Variants in INSC observed in about 807,000 individuals in gnomAD.
INSC encodes protein inscuteable homolog.
INSC carries 67 observed loss-of-function variants against 58.6 expected under a neutral mutation model. That is an observed-to-expected ratio of 1.14 (90% CI 0.94 to 1.40). The LOEUF is 1.40. Ranked by LOEUF, INSC falls within the 40% of genes most tolerant of loss-of-function variation. INSC has a pLI of 0.00. For missense variants in INSC, 714 were observed against 692.0 expected (o/e 1.03, Z -0.36); for synonymous variants, 262 against 276.1 (o/e 0.95, Z 0.51).
chr11:15,146,370 A>G (rs1161824564), intron 1 of INSC, among the ~76,000 whole-genome samples: 1 of 152,196 alleles, frequency 6.6e-6, no homozygotes, highest in Admixed American at 6.5e-5. Context: ...AAGGAATCTT[A>G]TCCTTTTGGG....
chr11:15,185,375 A>C (rs1481740223), intron 5 of INSC, among the ~76,000 whole-genome samples: 1 of 152,142 alleles, frequency 6.6e-6, no homozygotes. Flanking sequence ...ATTATCCTAA[A>C]AATGATAAAA....
At chr11:15,200,119 A>T (rs976676635) in intron 6 of INSC, among the ~76,000 whole-genome samples, 5 of 151,484 alleles carry the variant, frequency 3.3e-5, no homozygotes, top group African/African-American at 1.2e-4. Flanking sequence ...CACCACACTC[A>T]AGAGCTGCGA....
the INSC span, among the ~76,000 whole-genome samples, chr11:15,266,037 T>C: frequency 1.3e-5 from 2 of 151,938 alleles, no homozygotes; most frequent in Non-Finnish European, 2.9e-5. Context: ...ACCACATGCA[T>C]ATTTGCTCAA....
the INSC span, among the ~76,000 whole-genome samples, chr11:15,256,640 C>G: frequency 6.6e-6 from 1 of 152,078 alleles, no homozygotes; most frequent in Non-Finnish European, 1.5e-5. Flanking sequence ...CAGGTGCCCA[C>G]CACCACGCCC....
chr11:15,168,441 A>G (rs1387259017), intron 2 of INSC, among the ~76,000 whole-genome samples: 2 of 152,228 alleles, frequency 1.3e-5, no homozygotes, highest in African/African-American at 4.8e-5. Flanking sequence ...TGCAAAGGAC[A>G]TGATCTTAGC....
intron 1 of INSC, among the ~76,000 whole-genome samples, chr11:15,148,625 C>T (rs980083861): frequency 2.9e-5 from 4 of 137,654 alleles, no homozygotes; most frequent in South Asian, 2.4e-4. Context: ...GGGAAAGCAA[C>T]CACTATGCCG....
rs1852235778 is a variant in INSC, at chr11:15,238,964, G to A, written c.1283G>A (p.Gly428Glu). Reference sequence around the variant, plus strand: ...ATGCTGTCTGAAAAACCAAGGTCTGGGACTCCTGCTGAAGTGGCAGCCTGT... The same window carrying A: ...ATGCTGTCTGAAAAACCAAGGTCTGAGACTCCTGCTGAAGTGGCAGCCTGT... ...MGMLSEKPRSGTPAEVAACER... is the reference protein window; with the variant it reads ...MGMLSEKPRSETPAEVAACER... Residue 428 changes from glycine to glutamate, a missense_variant, in exon 11 of 13, where the codon GGG (glycine) becomes GAG (glutamate). Coordinates refer to ENST00000379556, the MANE Select transcript of INSC (RefSeq NM_001042536.3). The A allele has an allele frequency of 6.2e-7, 1 of 1,614,190 alleles. No homozygotes were observed. Among genetic ancestry groups the A allele is most frequent in the Non-Finnish European group, 8.5e-7 (1 of 1,180,024 alleles).
intron 3 of INSC, 109 bp downstream of exon 3, chr11:15,176,195 T>C (rs1849569450): frequency 1.1e-6 from 1 of 878,958 alleles, no homozygotes; most frequent in Non-Finnish European, 1.7e-6. Flanking sequence ...CAGAAGCCTT[T>C]CTCCCCTTCC....
chr11:15,135,638 C>T (rs958546072), intron 1 of INSC, among the ~76,000 whole-genome samples: 2 of 152,192 alleles, frequency 1.3e-5, no homozygotes, highest in Non-Finnish European at 2.9e-5. Flanking sequence ...ACTTTGGTCA[C>T]ATAGGATGTG....
At chr11:15,193,114 C>G (rs1850241905) in intron 6 of INSC, among the ~76,000 whole-genome samples, 1 of 152,178 alleles carries the variant, frequency 6.6e-6, no homozygotes, top group Admixed American at 6.5e-5. Context: ...ATTCATTGCA[C>G]TTATATCATA....
At chr11:15,206,438 G>A (rs1403575282) in intron 7 of INSC, among the ~76,000 whole-genome samples, 1 of 152,206 alleles carries the variant, frequency 6.6e-6, no homozygotes, top group Non-Finnish European at 1.5e-5. Flanking sequence ...AAGTCTCCAA[G>A]TCTTCCAGGG....
chr11:15,183,854 T>A (rs1045796344), intron 5 of INSC, among the ~76,000 whole-genome samples: 1 of 152,238 alleles, frequency 6.6e-6, no homozygotes, highest in Non-Finnish European at 1.5e-5. Flanking sequence ...GTGCATATTA[T>A]TTAAGATAAC....
At chr11:15,116,256 A>G (rs1482770615) in intron 1 of INSC, among the ~76,000 whole-genome samples, 1 of 152,218 alleles carries the variant, frequency 6.6e-6, no homozygotes, top group East Asian at 1.9e-4. Context: ...GCTGTAGTTT[A>G]TACTCTGGAT....
At chr11:15,245,088 T>C (rs949709292) in intron 12 of INSC, among the ~76,000 whole-genome samples, 1 of 152,194 alleles carries the variant, frequency 6.6e-6, no homozygotes, top group African/African-American at 2.4e-5. Context: ...AGATCCTTAC[T>C]CTCGAGGAGC....
intron 3 of INSC, among the ~76,000 whole-genome samples, 178 bp from the exon 4 acceptor site, chr11:15,176,933 A>C (rs969569287): frequency 2.6e-5 from 4 of 152,070 alleles, no homozygotes; most frequent in African/African-American, 9.7e-5. Context: ...TATACTCCCA[A>C]AGCAGCCTAC....
chr11:15,221,822 GA>G (rs1851453815), intron 8 of INSC, among the ~76,000 whole-genome samples, 174 bp downstream of exon 8: 1 of 152,124 alleles, frequency 6.6e-6, no homozygotes, highest in Non-Finnish European at 1.5e-5. Flanking sequence ...AGGCTTTGAT[GA>G]GCTCTATTAT....
chr11:15,259,671 T>C, the INSC span, among the ~76,000 whole-genome samples: 12 of 152,308 alleles, frequency 7.9e-5, no homozygotes, highest in Middle Eastern at 6.8e-3. Flanking sequence ...TTGAATTTCA[T>C]TCCAAGATAT....
At chr11:15,128,962 C>A (rs978832850) in intron 1 of INSC, among the ~76,000 whole-genome samples, 10 of 152,162 alleles carry the variant, frequency 6.6e-5, no homozygotes, top group Admixed American at 3.3e-4. Flanking sequence ...TAGGCTGGCT[C>A]TTTCTGGCTG....
intron 8 of INSC, among the ~76,000 whole-genome samples, chr11:15,225,352 G>C (rs773703214): frequency 3.3e-5 from 5 of 152,286 alleles, no homozygotes; most frequent in Middle Eastern, 3.4e-3. Flanking sequence ...GCAAGGACCT[G>C]ACCTGTTTTG....
Sources: gnomAD v4.1 joint callset for allele counts (sites outside exome capture counted in the v4.1 genomes callset) on GRCh38, gnomAD v4.1.1 for gene constraint, MANE v1.5 for transcripts, NCBI Gene and HGNC (gene_info 2026-07-23, HGNC 2026-07-21) for gene names.